ARLN: variants seen among roughly 807,000 people sequenced by gnomAD.
The protein encoded by ARLN is allregulin, also known as sarcoplasmic/endoplasmic reticulum calcium ATPase regulator ARLN.
the ARLN span, chr4:119,300,619 A>G: frequency 6.3e-7 from 1 of 1,599,712 alleles, no homozygotes; most frequent in Non-Finnish European, 8.5e-7. Context: ...CCGGAAACTG[A>G]GCGGAGTCCG....
the ARLN span, among the ~76,000 whole-genome samples, chr4:119,301,453 C>T: frequency 6.6e-6 from 1 of 151,820 alleles, no homozygotes; most frequent in Non-Finnish European, 1.5e-5. Flanking sequence ...GGAAGAATAA[C>T]CCAAAGGTTA....
the ARLN span, among the ~76,000 whole-genome samples, chr4:119,302,639 A>G: frequency 1.3e-5 from 2 of 152,228 alleles, no homozygotes; most frequent in African/African-American, 4.8e-5. Flanking sequence ...TTGTCCAACC[A>G]CCTTGAACTT....
the ARLN span, among the ~76,000 whole-genome samples, chr4:119,302,314 A>C: frequency 6.6e-6 from 1 of 152,212 alleles, no homozygotes; most frequent in Non-Finnish European, 1.5e-5. Context: ...CAGACTTGGA[A>C]GAGCAACTAG....
the ARLN span, among the ~76,000 whole-genome samples, chr4:119,299,390 G>C: frequency 6.6e-6 from 1 of 152,200 alleles, no homozygotes; most frequent in Non-Finnish European, 1.5e-5. Flanking sequence ...GAGAATTTCA[G>C]AAGTAACTCA....
chr4:119,298,083 AT>A, the ARLN span: 27 of 151,686 alleles, frequency 1.8e-4, no homozygotes, highest in East Asian at 1.9e-4. Flanking sequence ...TAAAAAAAAA[AT>A]AGGTTTGAAA....
the ARLN span, chr4:119,296,556 A>G: frequency 0.21 from 32,611 of 152,144 alleles, 4,060 homozygotes; most frequent in South Asian, 0.33. Flanking sequence ...AGGTCTGAGA[A>G]CCAGGGGCCC....
chr4:119,298,739 C>T, the ARLN span: 2 of 770,332 alleles, frequency 2.6e-6, no homozygotes, highest in African/African-American at 1.7e-5. Flanking sequence ...TCAGAATTCA[C>T]TCAAGAACCA....
the ARLN span, chr4:119,298,439 T>C: frequency 5.1e-6 from 1 of 197,314 alleles, no homozygotes; most frequent in Non-Finnish European, 1.0e-5. Context: ...TGATCAACTC[T>C]TAAAACATTA....
At chr4:119,299,265 C>G in the ARLN span, among the ~76,000 whole-genome samples, 1 of 152,274 alleles carries the variant, frequency 6.6e-6, no homozygotes, top group East Asian at 1.9e-4. Flanking sequence ...TCTGTCTTCT[C>G]TAACTTACTA....
At chr4:119,300,818 G>T in the ARLN span, 4 of 1,437,414 alleles carry the variant, frequency 2.8e-6, no homozygotes, top group Admixed American at 1.1e-4. Flanking sequence ...CAGATAGCTG[G>T]TTATTCAGGT....
chr4:119,298,477 T>A, the ARLN span: 1 of 278,728 alleles, frequency 3.6e-6, no homozygotes, highest in African/African-American at 2.2e-5. Context: ...TCTTAATGAA[T>A]ACACAAGACC....
the ARLN span, chr4:119,298,887 T>C: frequency 1.5e-6 from 1 of 647,904 alleles, no homozygotes; most frequent in Admixed American, 2.5e-5. Context: ...ACATTTCTTG[T>C]AAGGCCTCTA....
chr4:119,302,798 T>C, the ARLN span, among the ~76,000 whole-genome samples: 5 of 152,200 alleles, frequency 3.3e-5, no homozygotes, highest in South Asian at 4.1e-4. Flanking sequence ...GAAAATGCTA[T>C]AACCATCAGG....
At chr4:119,299,766 G>A in the ARLN span, among the ~76,000 whole-genome samples, 1 of 152,194 alleles carries the variant, frequency 6.6e-6, no homozygotes. Flanking sequence ...GGTGGATAAA[G>A]TTGGCGTTTA....
At chr4:119,300,347 A>T in the ARLN span, 1 of 1,608,382 alleles carries the variant, frequency 6.2e-7, no homozygotes, top group East Asian at 2.2e-5. Context: ...ATGGCAAAAA[A>T]TACACAAAGA....
At chr4:119,301,100 G>A in the ARLN span, among the ~76,000 whole-genome samples, 3 of 151,816 alleles carry the variant, frequency 2.0e-5, no homozygotes, top group African/African-American at 7.3e-5. Context: ...CATTTTGCAG[G>A]TACTTCAAGG....
At chr4:119,298,310 A>G in the ARLN span, 1 of 152,438 alleles carries the variant, frequency 6.6e-6, no homozygotes. Context: ...GCTTCTACGC[A>G]ATCTAAGAAT....
At chr4:119,299,409 G>T in the ARLN span, among the ~76,000 whole-genome samples, 2 of 152,176 alleles carry the variant, frequency 1.3e-5, no homozygotes, top group East Asian at 3.9e-4. Context: ...CATAGGCATG[G>T]TGACTAAGGA....
chr4:119,304,399 T>G, the ARLN span: 1 of 1,537,012 alleles, frequency 6.5e-7, no homozygotes, highest in Non-Finnish European at 8.7e-7. Context: ...TCCCTCTACA[T>G]TCTGTAATGG....
Sources: allele counts gnomAD v4.1 joint callset (sites outside exome capture counted in the v4.1 genomes callset), GRCh38; gene constraint gnomAD v4.1.1; transcripts MANE v1.5; gene names NCBI Gene and HGNC (gene_info 2026-07-23, HGNC 2026-07-21).